Variants in PPFIA2 observed in about 807,000 individuals in gnomAD.
PPFIA2 encodes liprin-alpha-2.
Under a neutral mutation model 175.5 loss-of-function variants are expected in PPFIA2, and 46 were observed. That is an observed-to-expected ratio of 0.26 (90% confidence interval 0.21 to 0.34). PPFIA2 has a LOEUF of 0.34. Ranked by LOEUF, PPFIA2 falls within the 10% of genes least tolerant of loss-of-function variation. The probability of loss-of-function intolerance (pLI) is 1.00; values close to 1 mark genes in which losing one functional copy is unlikely to be tolerated. For missense variants in PPFIA2, 1,179 were observed against 1,506.1 expected (o/e 0.78, Z 3.60); for synonymous variants, 568 against 511.4 (o/e 1.11, Z -1.49).
intron 15 of PPFIA2, among the ~76,000 whole-genome samples, 169 bp from the exon 16 acceptor site, chr12:81,358,386 T>G (rs537123459): frequency 1.3e-5 from 2 of 152,306 alleles, no homozygotes; most frequent in South Asian, 4.1e-4. Flanking sequence ...TAGAGACTTA[T>G]GTCAGAAGCT....
intron 4 of PPFIA2, among the ~76,000 whole-genome samples, chr12:81,638,093 T>G (rs949917335): frequency 6.6e-6 from 1 of 152,178 alleles, no homozygotes; most frequent in Admixed American, 6.5e-5. Context: ...TATACATCAC[T>G]ATTTATTCCT....
intron 3 of PPFIA2, among the ~76,000 whole-genome samples, chr12:81,689,615 A>C (rs2074973257): frequency 6.6e-6 from 1 of 152,058 alleles, no homozygotes; most frequent in Non-Finnish European, 1.5e-5. Flanking sequence ...ATAGTCATTA[A>C]ATGTTCTACA....
chr12:81,704,676 C>T (rs1189770987), intron 3 of PPFIA2, among the ~76,000 whole-genome samples: 1 of 151,902 alleles, frequency 6.6e-6, no homozygotes, highest in East Asian at 1.9e-4. Context: ...GTTCATTTGC[C>T]TTGGGAAGTT....
chr12:81,717,685 G>A (rs2078811447), intron 3 of PPFIA2, among the ~76,000 whole-genome samples: 1 of 151,652 alleles, frequency 6.6e-6, no homozygotes, highest in Non-Finnish European at 1.5e-5. Flanking sequence ...TGTCCTGGGT[G>A]CTAGGAAAAC....
At chr12:81,556,252 T>C (rs552953817) in intron 4 of PPFIA2, among the ~76,000 whole-genome samples, 3 of 152,102 alleles carry the variant, frequency 2.0e-5, no homozygotes, top group South Asian at 4.1e-4. Flanking sequence ...TATTCCTTGA[T>C]AAATGCACGG....
chr12:81,732,247 A>G (rs2081005735), intron 3 of PPFIA2, among the ~76,000 whole-genome samples: 1 of 151,696 alleles, frequency 6.6e-6, no homozygotes, highest in South Asian at 2.1e-4. Context: ...TTCAAATTGA[A>G]CATATTAATA....
chr12:81,481,486 A>T (rs1424704912), intron 4 of PPFIA2, among the ~76,000 whole-genome samples: 1 of 152,230 alleles, frequency 6.6e-6, no homozygotes, highest in Non-Finnish European at 1.5e-5. Context: ...ACCTGACTGC[A>T]AACGATGCTA....
intron 4 of PPFIA2, among the ~76,000 whole-genome samples, chr12:81,504,390 A>G (rs2060919874): frequency 6.6e-6 from 1 of 152,022 alleles, no homozygotes; most frequent in African/African-American, 2.4e-5. Flanking sequence ...CAAGCATATG[A>G]AAAAAAAGCT....
chr12:81,642,682 T>TATATTATATA (rs1202577443), intron 4 of PPFIA2, among the ~76,000 whole-genome samples: 1,732 of 95,806 alleles, frequency 0.018, 615 homozygotes, highest in East Asian at 0.029. Context: ...CATGTATGTA[T>TATATTATATA]CTATTATATA....
intron 8 of PPFIA2, among the ~76,000 whole-genome samples, chr12:81,402,534 T>C (rs766813998): frequency 6.6e-6 from 1 of 152,142 alleles, no homozygotes; most frequent in Non-Finnish European, 1.5e-5. Flanking sequence ...TACTGTTTTA[T>C]GTTTTATCAA....
intron 4 of PPFIA2, among the ~76,000 whole-genome samples, chr12:81,469,755 A>G (rs2056406720): frequency 6.6e-6 from 1 of 152,218 alleles, no homozygotes; most frequent in Admixed American, 6.5e-5. Context: ...GTGTCACCAA[A>G]TGCATATGTT....
At chr12:81,339,648 T>C (rs2057726620) in intron 20 of PPFIA2, among the ~76,000 whole-genome samples, 1 of 152,102 alleles carries the variant, frequency 6.6e-6, no homozygotes, top group African/African-American at 2.4e-5. Context: ...CCTTCTATTA[T>C]GGAGCACTTG....
chr12:81,335,660 T>C (rs1396692951), intron 21 of PPFIA2, among the ~76,000 whole-genome samples: 2 of 151,262 alleles, frequency 1.3e-5, no homozygotes, highest in Admixed American at 6.6e-5. Flanking sequence ...AGGAGAATCA[T>C]TTGAACTGGG....
At chr12:81,610,945 G>T (rs2060835941) in intron 4 of PPFIA2, among the ~76,000 whole-genome samples, 1 of 152,062 alleles carries the variant, frequency 6.6e-6, no homozygotes, top group African/African-American at 2.4e-5. Flanking sequence ...TTTTTGTTGT[G>T]GGTGAATTCT....
At chr12:81,486,726 T>G (rs2058857525) in intron 4 of PPFIA2, among the ~76,000 whole-genome samples, 1 of 151,868 alleles carries the variant, frequency 6.6e-6, no homozygotes, top group Non-Finnish European at 1.5e-5. Flanking sequence ...AACTTCAGTT[T>G]AGAAAAGTAG....
chr12:81,641,057 G>A (rs2064897881), intron 4 of PPFIA2, among the ~76,000 whole-genome samples: 1 of 151,924 alleles, frequency 6.6e-6, no homozygotes, highest in African/African-American at 2.4e-5. Flanking sequence ...CTCAAATCAG[G>A]GCAATTAAGG....
At chr12:81,282,113 T>A (rs534710887) in intron 26 of PPFIA2, among the ~76,000 whole-genome samples, 1 of 152,030 alleles carries the variant, frequency 6.6e-6, no homozygotes, top group South Asian at 2.1e-4. Flanking sequence ...ACAAACAAAC[T>A]ATTCTTACCA....
At chr12:81,553,106 A>G (rs906498792) in intron 4 of PPFIA2, among the ~76,000 whole-genome samples, 1 of 151,990 alleles carries the variant, frequency 6.6e-6, no homozygotes, top group Non-Finnish European at 1.5e-5. Context: ...AATTCCAGAG[A>G]AGAAGCATTA....
intron 4 of PPFIA2, among the ~76,000 whole-genome samples, chr12:81,558,594 A>C (rs2069307201): frequency 6.6e-6 from 1 of 152,186 alleles, no homozygotes; most frequent in Non-Finnish European, 1.5e-5. Context: ...GAGCTGTAGA[A>C]CAATGCACAT....
Sources: gnomAD v4.1 joint callset for allele counts (sites outside exome capture counted in the v4.1 genomes callset) on GRCh38, gnomAD v4.1.1 for gene constraint, MANE v1.5 for transcripts, NCBI Gene and HGNC (gene_info 2026-07-23, HGNC 2026-07-21) for gene names.